Variants in EVI5 observed in about 807,000 individuals in gnomAD.
EVI5 encodes ecotropic viral integration site 5 protein homolog.
Under a neutral mutation model 112.0 loss-of-function variants are expected in EVI5, and 73 were observed. The observed-to-expected ratio is 0.65, with a 90% CI of 0.54 to 0.79. The LOEUF is 0.79. Ranked by LOEUF, EVI5 falls within the 30% of genes least tolerant of loss-of-function variation. The probability of loss-of-function intolerance (pLI) is 0.00; values close to 1 mark genes in which losing one functional copy is unlikely to be tolerated. For synonymous variants in EVI5, 305 were observed against 319.9 expected (o/e 0.95, Z 0.50); for missense variants, 900 against 968.8 (o/e 0.93, Z 0.94).
At chr1:92,539,367 C>T (rs1664403025) in intron 19 of EVI5, among the ~76,000 whole-genome samples, 1 of 151,984 alleles carries the variant, frequency 6.6e-6, no homozygotes, top group Admixed American at 6.6e-5. Flanking sequence ...ACTGGTGAAA[C>T]CCCGTCTCTA....
At chr1:92,759,347 T>C (rs1200291983) in intron 1 of EVI5, among the ~76,000 whole-genome samples, 7 of 152,152 alleles carry the variant, frequency 4.6e-5, no homozygotes, top group Non-Finnish European at 8.8e-5. Context: ...TAATCAGTAC[T>C]TTTTTTGAAA....
At chr1:92,706,646 G>T (rs1672016361) in intron 2 of EVI5, among the ~76,000 whole-genome samples, 3 of 152,272 alleles carry the variant, frequency 2.0e-5, no homozygotes, top group Middle Eastern at 6.8e-3. Context: ...ACAACTTCTA[G>T]GATAGGCACA....
At chr1:92,788,424 A>T (rs1685817342), upstream of EVI5, among the ~76,000 whole-genome samples, 1 of 151,800 alleles carries the variant, frequency 6.6e-6, no homozygotes, top group Non-Finnish European at 1.5e-5. Flanking sequence ...CAGTGAGCCG[A>T]GATTGCACCA....
chr1:92,606,313 A>G (rs1484746620), intron 17 of EVI5, among the ~76,000 whole-genome samples: 20 of 152,228 alleles, frequency 1.3e-4, no homozygotes, highest in Non-Finnish European at 5.9e-5. Context: ...GCATTTGAGG[A>G]GCAATATTTA....
intron 1 of EVI5, among the ~76,000 whole-genome samples, chr1:92,780,615 T>A (rs889414181): frequency 6.6e-6 from 1 of 152,136 alleles, no homozygotes; most frequent in African/African-American, 2.4e-5. Flanking sequence ...CTGACCATAC[T>A]GTTATCTAAT....
chr1:92,644,313 G>A (rs1018658317), intron 13 of EVI5, among the ~76,000 whole-genome samples: 3 of 152,146 alleles, frequency 2.0e-5, no homozygotes, highest in Non-Finnish European at 4.4e-5. Context: ...ATGACACCAC[G>A]AGGAAGGAAT....
Position 92,631,476 on chromosome 1 carries a change from CTGTT to C in EVI5, c.1527+4722_1527+4725del, listed in dbSNP as rs1657091203. 3.3e-5 allele frequency among the ~76,000 whole-genome samples: 5 copies of C among 152,224 alleles called. No homozygotes were observed. The South Asian group carries it at 8.3e-4, about 25-fold the overall frequency. ...GGGAATTCACTCATGATTTGGCTCTCTGTTTGTCTGTTATTGGTGTATAAGAATG... is the reference window on the plus strand; with the variant it reads ...GGGAATTCACTCATGATTTGGCTCTCTGTCTGTTATTGGTGTATAAGAATG... On this transcript the variant is annotated intron_variant, in intron 14 of 19. Transcript: ENST00000684568.
At position 92,703,471 on chromosome 1, in the gene EVI5, G is replaced by T. The variant is rs201206544; in HGVS notation, c.488C>A (p.Ala163Asp). 9 of 1,600,150 alleles carry T rather than the reference G, an allele frequency of 5.6e-6. No individual in the cohort carries two copies. The highest frequency in any genetic ancestry group is 7.6e-6 in the Non-Finnish European group (9 of 1,176,628). Residue 163 changes from alanine (A) to aspartate (D), a missense_variant, in exon 4 of 20, where the codon GCT (alanine) becomes GAT (aspartate). Physicochemically the swap from Ala to Asp is moderately radical, Grantham distance 126. Transcript: ENST00000684568. Reference sequence around the variant, plus strand: ...AAAGTTGTGTTCAGGGTAAGTTCTAGCAATGTCCCTTCGGATCAATTTTTC... The same window carrying T: ...AAAGTTGTGTTCAGGGTAAGTTCTATCAATGTCCCTTCGGATCAATTTTTC... ...PCEKLIRRDI[A>D]RTYPEHNFFK... is the part of the protein sequence containing the mutation.
chr1:92,742,567 G>GGAGGCT (rs1678583869), intron 1 of EVI5, among the ~76,000 whole-genome samples: 1 of 152,024 alleles, frequency 6.6e-6, no homozygotes, highest in South Asian at 2.1e-4. Flanking sequence ...CAGCTACTCA[G>GGAGGCT]GAGGCTGAGG....
chr1:92,548,049 G>C (rs1223655290), intron 19 of EVI5, among the ~76,000 whole-genome samples: 1 of 152,122 alleles, frequency 6.6e-6, no homozygotes, highest in Non-Finnish European at 1.5e-5. Context: ...AACAAAAAAA[G>C]AAAATTTTAG....
At chr1:92,758,251 A>G (rs1179669612) in intron 1 of EVI5, among the ~76,000 whole-genome samples, 2 of 152,192 alleles carry the variant, frequency 1.3e-5, no homozygotes, top group East Asian at 3.8e-4. Context: ...AGTATCATGT[A>G]AGCCTTTTGT....
intron 19 of EVI5, among the ~76,000 whole-genome samples, chr1:92,560,931 T>C (rs1668432682): frequency 6.6e-6 from 1 of 152,016 alleles, no homozygotes. Flanking sequence ...ATGAAGCCAT[T>C]CAAATGTTAA....
chr1:92,631,809 C>T (rs1464966989), intron 14 of EVI5, among the ~76,000 whole-genome samples: 1 of 152,132 alleles, frequency 6.6e-6, no homozygotes. Flanking sequence ...ATGATATTGG[C>T]TGTGGGTTTG....
intron 13 of EVI5, among the ~76,000 whole-genome samples, chr1:92,642,452 A>T (rs781628061): frequency 1.3e-5 from 2 of 152,252 alleles, no homozygotes; most frequent in East Asian, 1.9e-4. Context: ...TTACCAAATT[A>T]TAAGTGTAAA....
chr1:92,736,654 T>C lies in EVI5; in HGVS notation c.-81-27A>G, dbSNP rs778020692. 5 of 1,408,880 alleles carry C rather than the reference T, an allele frequency of 3.5e-6. No homozygotes were observed. In the African/African-American group the frequency reaches 7.0e-5, roughly 20 times the overall value. The allele number at this position is 1,408,880 out of a possible 1,614,324, so 87.3% of individuals were successfully genotyped here. Reference sequence around the variant, plus strand: ...TAAGGACAAAAATAAAAGTTGCATATACTTTAGTTACACTGTATTCATTAC... The same window carrying C: ...TAAGGACAAAAATAAAAGTTGCATACACTTTAGTTACACTGTATTCATTAC... On this transcript the variant is annotated intron_variant, in intron 1 of 19. Coordinates refer to ENST00000684568, the MANE Select transcript of EVI5 (RefSeq NM_001350197.2).
At chr1:92,648,802 C>T (rs566572423) in intron 13 of EVI5, among the ~76,000 whole-genome samples, 9 of 152,166 alleles carry the variant, frequency 5.9e-5, no homozygotes, top group African/African-American at 2.2e-4. Flanking sequence ...GGGTTGTGTC[C>T]ACTTTTCTGT....
intron 19 of EVI5, among the ~76,000 whole-genome samples, chr1:92,514,223 G>A (rs574295193): frequency 6.6e-6 from 1 of 151,988 alleles, no homozygotes; most frequent in African/African-American, 2.4e-5. Flanking sequence ...GTGCGATCTC[G>A]GCTCACTGCA....
intron 2 of EVI5, among the ~76,000 whole-genome samples, chr1:92,725,352 G>A (rs1261485074): frequency 2.6e-5 from 4 of 152,198 alleles, no homozygotes; most frequent in South Asian, 4.2e-4. Flanking sequence ...CTCAGTAGGG[G>A]GGAATAATAG....
intron 18 of EVI5, among the ~76,000 whole-genome samples, chr1:92,582,976 A>G (rs1317291457): frequency 6.6e-6 from 1 of 152,198 alleles, no homozygotes; most frequent in African/African-American, 2.4e-5. Flanking sequence ...CATGTAACAT[A>G]TATACATATT....
Sources: gnomAD v4.1 joint callset for allele counts (sites outside exome capture counted in the v4.1 genomes callset) on GRCh38, gnomAD v4.1.1 for gene constraint, MANE v1.5 for transcripts, NCBI Gene and HGNC (gene_info 2026-07-23, HGNC 2026-07-21) for gene names.